Variants in FRMD4A observed in about 807,000 individuals in gnomAD.
FRMD4A encodes the protein FERM domain-containing protein 4A.
Under a neutral mutation model 129.1 loss-of-function variants are expected in FRMD4A, and 29 were observed. The ratio of observed to expected loss-of-function variants is 0.22; its 90% CI spans 0.17 to 0.31. FRMD4A has a LOEUF of 0.31. Ranked by LOEUF, FRMD4A falls within the 10% of genes least tolerant of loss-of-function variation. The pLI, the probability that FRMD4A is intolerant of heterozygous loss-of-function variation, is 1.00. For synonymous variants in FRMD4A, 634 were observed against 571.6 expected (o/e 1.11, Z -1.56); for missense variants, 1,272 against 1,375.8 (o/e 0.92, Z 1.19).
intron 2 of FRMD4A, among the ~76,000 whole-genome samples, chr10:13,893,760 C>T (rs895164989): frequency 6.6e-6 from 1 of 152,178 alleles, no homozygotes; most frequent in Non-Finnish European, 1.5e-5. Context: ...GGTGATCCAC[C>T]CACCTTGGCC....
At chr10:13,998,770 G>A (rs889235808) in intron 2 of FRMD4A, among the ~76,000 whole-genome samples, 1 of 152,088 alleles carries the variant, frequency 6.6e-6, no homozygotes, top group South Asian at 2.1e-4. Context: ...CAGGGTATCC[G>A]CTGGCCTAAA....
intron 2 of FRMD4A, among the ~76,000 whole-genome samples, chr10:13,958,281 G>GTT (rs35369777): frequency 0.054 from 5,657 of 104,490 alleles, 716 homozygotes; most frequent in African/African-American, 0.14. Context: ...CATGACCATT[G>GTT]TTTTTTTTTT....
At chr10:13,884,695 C>G (rs536322794) in intron 2 of FRMD4A, among the ~76,000 whole-genome samples, 22 of 152,254 alleles carry the variant, frequency 1.4e-4, no homozygotes, top group African/African-American at 5.1e-4. Flanking sequence ...CTCATCTGCT[C>G]CCAGTGATAG....
At chr10:13,940,688 C>T (rs1001664669) in intron 2 of FRMD4A, among the ~76,000 whole-genome samples, 4 of 152,272 alleles carry the variant, frequency 2.6e-5, no homozygotes, top group East Asian at 1.9e-4. Flanking sequence ...GAGGCTGACC[C>T]GGGTAGTGAT....
intron 2 of FRMD4A, among the ~76,000 whole-genome samples, chr10:14,058,948 C>A (rs1464154905): frequency 6.7e-6 from 1 of 150,208 alleles, no homozygotes. Context: ...GGGAAAAATG[C>A]CCTGGTCAAA....
intron 2 of FRMD4A, among the ~76,000 whole-genome samples, chr10:13,904,328 C>A (rs74121777): frequency 0.086 from 13,115 of 152,162 alleles, 1,510 homozygotes; most frequent in African/African-American, 0.26. Flanking sequence ...AAAACCCTCC[C>A]GTCCTCCCTG....
intron 2 of FRMD4A, among the ~76,000 whole-genome samples, chr10:14,289,942 G>T (rs1845799756): frequency 6.6e-6 from 1 of 151,694 alleles, no homozygotes; most frequent in Admixed American, 6.6e-5. Flanking sequence ...ATAAAAATCA[G>T]TTTTTTCTAT....
At chr10:14,290,192 A>G (rs1379549572) in intron 2 of FRMD4A, among the ~76,000 whole-genome samples, 1 of 152,060 alleles carries the variant, frequency 6.6e-6, no homozygotes, top group East Asian at 1.9e-4. Context: ...CCCTATCAAA[A>G]TCCTAATGGC....
intron 3 of FRMD4A, among the ~76,000 whole-genome samples, chr10:13,819,638 G>T (rs2093599246): frequency 6.6e-6 from 1 of 151,818 alleles, no homozygotes; most frequent in African/African-American, 2.4e-5. Flanking sequence ...CATCACAAAA[G>T]ACGTGATCCT....
At chr10:13,781,293 C>T (rs1324991579) in intron 6 of FRMD4A, among the ~76,000 whole-genome samples, 1 of 108,096 alleles carries the variant, frequency 9.3e-6, no homozygotes, top group African/African-American at 3.5e-5. Flanking sequence ...GAGAGAGACC[C>T]TGTCTTAAAA....
chr10:13,654,402 G>C lies in FRMD4A; in HGVS notation c.3050+14C>G, dbSNP rs931037024. 3.9e-6 allele frequency: 6 copies of C among 1,535,812 alleles called. No homozygotes were observed. The South Asian group carries it at 4.5e-5, about 11-fold the overall frequency. On this transcript the variant is annotated intron_variant, in intron 23 of 24. Coordinates refer to ENST00000357447, the MANE Select transcript of FRMD4A (RefSeq NM_018027.5). ...TCGAGCTGACACAGTGAAGAACATAGAAGGAGAACTCACCCAGTCTGCCAG... is the reference window on the plus strand; with the variant it reads ...TCGAGCTGACACAGTGAAGAACATACAAGGAGAACTCACCCAGTCTGCCAG...
chr10:13,650,399 CATGTATGCATGAGCAT>C (rs2081466822), intron 24 of FRMD4A, among the ~76,000 whole-genome samples: 1 of 152,004 alleles, frequency 6.6e-6, no homozygotes, highest in Non-Finnish European at 1.5e-5. Context: ...TGCATGTGCA[CATGTATGCATGAGCAT>C]GAACTCGTGT....
At chr10:13,983,747 C>A (rs938388483) in intron 2 of FRMD4A, among the ~76,000 whole-genome samples, 2 of 151,998 alleles carry the variant, frequency 1.3e-5, no homozygotes, top group African/African-American at 2.4e-5. Flanking sequence ...TGCCTGTAAT[C>A]CCAGCTCTTT....
chr10:13,955,111 G>GATTTTTTTTTTTTTTTTTT (rs1565107008), intron 2 of FRMD4A, among the ~76,000 whole-genome samples: 1 of 33,108 alleles, frequency 3.0e-5, no homozygotes, highest in African/African-American at 2.0e-4. Flanking sequence ...TAATAATTCT[G>GATTTTTTTTTTTTTTTTTT]CTTTTTTTTT....
At chr10:13,986,946 G>A (rs547822591) in intron 2 of FRMD4A, among the ~76,000 whole-genome samples, 1 of 152,132 alleles carries the variant, frequency 6.6e-6, no homozygotes, top group South Asian at 2.1e-4. Flanking sequence ...CACCTGCAGG[G>A]CATGGAAAAA....
chr10:13,693,218 CCT>C (rs1050830728), intron 15 of FRMD4A: 4 of 163,380 alleles, frequency 2.4e-5, no homozygotes, highest in African/African-American at 9.7e-5. Flanking sequence ...TGCCTCCCTT[CCT>C]CTCTGCTTCT....
intron 4 of FRMD4A, among the ~76,000 whole-genome samples, chr10:13,798,648 T>C (rs1013252023): frequency 5.3e-5 from 8 of 151,862 alleles, no homozygotes; most frequent in Non-Finnish European, 1.0e-4. Flanking sequence ...ACCTGGGAGG[T>C]GGAGCTTGCA....
In FRMD4A at chr10:14,313,305, G is replaced by A. The variant is rs372969139; in HGVS notation, c.45+16753C>T. On this transcript the variant is annotated intron_variant, in intron 2 of 24. Coordinates refer to ENST00000357447, the MANE Select transcript of FRMD4A (RefSeq NM_018027.5). Reference sequence around the variant, plus strand: ...TTGACCCCAGGATGTTGAGGCTGCAGTGAGCTATGATTGCGCCTCTGCAAT... The same window carrying A: ...TTGACCCCAGGATGTTGAGGCTGCAATGAGCTATGATTGCGCCTCTGCAAT... 1.1e-4 allele frequency among the ~76,000 whole-genome samples: 17 copies of A among 152,304 alleles called. No homozygotes were observed. The East Asian group carries it at 2.3e-3, about 21-fold the overall frequency.
intron 16 of FRMD4A, 110 bp downstream of exon 16, chr10:13,674,801 C>T (rs1391629651): frequency 1.7e-5 from 21 of 1,244,594 alleles, no homozygotes; most frequent in East Asian, 1.2e-4. Context: ...TCTGTCAAAA[C>T]GATCAAATGA....
Sources: gnomAD v4.1 joint callset for allele counts (sites outside exome capture counted in the v4.1 genomes callset) on GRCh38, gnomAD v4.1.1 for gene constraint, MANE v1.5 for transcripts, NCBI Gene and HGNC (gene_info 2026-07-23, HGNC 2026-07-21) for gene names.